INPP5A: variants seen among roughly 807,000 people sequenced by gnomAD.
INPP5A encodes the protein inositol polyphosphate-5-phosphatase A, also known as 43 kDa inositol polyphosphate 5-phophatase.
Under a neutral mutation model 65.2 loss-of-function variants are expected in INPP5A, and 14 were observed. That is an observed-to-expected ratio of 0.21 (90% CI 0.14 to 0.34). The LOEUF (loss-of-function observed/expected upper bound fraction) is 0.34. INPP5A is among the 10% of genes least tolerant of loss of function. The probability of loss-of-function intolerance (pLI) is 1.00; values close to 1 mark genes in which losing one functional copy is unlikely to be tolerated. For missense variants in INPP5A, 431 were observed against 545.6 expected (o/e 0.79, Z 2.09); for synonymous variants, 207 against 208.3 (o/e 0.99, Z 0.05).
In INPP5A at chr10:132,603,040, T is replaced by C. The variant is rs1312369618; in HGVS notation, c.76-4875T>C. On this transcript the variant is annotated intron_variant, in intron 1 of 15. Transcript: ENST00000368594. The surrounding 1 kb of genome is among the most constrained non-coding windows in gnomAD (Gnocchi z 4.2). ...TGTGGAATAAAGAAAGGATCTAATA[T>C]AGCATTTTAAAAGTAAATATTTAAC... Among the ~76,000 whole-genome samples the C allele has an allele frequency of 6.6e-6, 1 of 152,256 alleles. No homozygotes were observed. Among genetic ancestry groups the C allele is most frequent in the Non-Finnish European group, 1.5e-5 (1 of 68,044 alleles).
At chr10:132,731,711 T>G (rs1427525627) in intron 9 of INPP5A, among the ~76,000 whole-genome samples, 1 of 151,954 alleles carries the variant, frequency 6.6e-6, no homozygotes, top group Non-Finnish European at 1.5e-5. Flanking sequence ...AGCTGGTCTC[T>G]GGTGAGGGTT....
At chr10:132,645,798 A>G in intron 2 of INPP5A, 70 bp from the exon 3 acceptor site, 8 of 1,210,186 alleles carry the variant, frequency 6.6e-6, no homozygotes, top group Non-Finnish European at 9.5e-6. Context: ...GGGGCGGTGG[A>G]GGGGGTGGTG....
intron 4 of INPP5A, among the ~76,000 whole-genome samples, chr10:132,689,603 G>A (rs1845221676): frequency 6.6e-6 from 1 of 152,218 alleles, no homozygotes; most frequent in Non-Finnish European, 1.5e-5. Flanking sequence ...TGTTGGGGTT[G>A]CCAGATTTAG....
intron 2 of INPP5A, among the ~76,000 whole-genome samples, chr10:132,624,728 C>T (rs570453025): frequency 6.6e-6 from 1 of 152,220 alleles, no homozygotes; most frequent in Non-Finnish European, 1.5e-5. Context: ...TCCTTCCAGA[C>T]TCTTGGTTCC....
In INPP5A at chr10:132,698,777, G is replaced by A. The variant is rs573117025; in HGVS notation, c.474+858G>A. ...GGAGCTCTCGTCCGGACTTGTCTGC[G>A]CAGGCAGCCCCAAGAAGGATTGCTC... On this transcript the variant is annotated intron_variant, in intron 6 of 15. Transcript: ENST00000368594. This position sits in a 1 kb window ranked among gnomAD's most constrained non-coding sequence, Gnocchi z 5.5. Among the ~76,000 whole-genome samples the A allele has an allele frequency of 4.6e-5, 7 of 152,336 alleles. No individual in the cohort carries two copies. The South Asian group carries it at 1.5e-3, about 32-fold the overall frequency.
In INPP5A at chr10:132,538,011, C is replaced by T. The variant is rs2070861156; in HGVS notation, c.-86C>T. 2 of 586,268 alleles carry T rather than the reference C, an allele frequency of 3.4e-6. No individual in the cohort carries two copies. Among genetic ancestry groups the T allele is most frequent in the Non-Finnish European group, 4.3e-6 (2 of 466,988 alleles). 36.3% of individuals were successfully genotyped at this position (586,268 alleles called of 1,614,324 possible). On this transcript the variant is annotated 5_prime_UTR_variant, in exon 1 of 16. Transcript: ENST00000368594. The surrounding 1 kb of genome is among the most constrained non-coding windows in gnomAD (Gnocchi z 4.1). Reference sequence around the variant, plus strand: ...CCCCGGCGCAGCTGACGCCCCGCGGCCCCGCGAAGACCCCGGCCGGCCGGT... The same window carrying T: ...CCCCGGCGCAGCTGACGCCCCGCGGTCCCGCGAAGACCCCGGCCGGCCGGT...
chr10:132,635,808 T>G (rs529680265), intron 2 of INPP5A, among the ~76,000 whole-genome samples: 1 of 150,706 alleles, frequency 6.6e-6, no homozygotes, highest in Non-Finnish European at 1.5e-5. Context: ...TCTCGAAGAT[T>G]TAAAAAAAAA....
intron 2 of INPP5A, among the ~76,000 whole-genome samples, chr10:132,610,550 G>A (rs2071930599): frequency 6.6e-6 from 1 of 152,238 alleles, no homozygotes. Context: ...GCCAGTGGAC[G>A]TTGGCGTGTG....
At chr10:132,765,184 G>T (rs1846820776) in intron 11 of INPP5A, among the ~76,000 whole-genome samples, 1 of 152,170 alleles carries the variant, frequency 6.6e-6, no homozygotes. Flanking sequence ...AACACGGTGG[G>T]CCAGTCCTGC....
chr10:132,736,563 A>G (rs968925944), intron 9 of INPP5A, among the ~76,000 whole-genome samples: 1 of 152,306 alleles, frequency 6.6e-6, no homozygotes, highest in South Asian at 2.1e-4. Flanking sequence ...ACGGCTCTCA[A>G]TGGGCACCAG....
intron 8 of INPP5A, among the ~76,000 whole-genome samples, chr10:132,718,477 C>T (rs1379971214): frequency 2.7e-5 from 4 of 148,304 alleles, no homozygotes; most frequent in Non-Finnish European, 6.0e-5. Context: ...TCTGTGGTGC[C>T]TGGGTTCTCT....
chr10:132,702,084 A>G (rs1590936781), intron 6 of INPP5A, among the ~76,000 whole-genome samples: 1 of 152,232 alleles, frequency 6.6e-6, no homozygotes, highest in South Asian at 2.1e-4. Context: ...CTGTGGCTTC[A>G]TTTGTTCCTG....
rs1229849493 is a variant in INPP5A, at chr10:132,678,284, T to C, written c.307-12108T>C. On this transcript the variant is annotated intron_variant, in intron 4 of 15. Coordinates refer to ENST00000368594, the MANE Select transcript of INPP5A (RefSeq NM_005539.5). This position sits in a 1 kb window ranked among gnomAD's most constrained non-coding sequence, Gnocchi z 4.1. ...GTTGGGTCAGCCGCCCATGAGTTCA[T>C]TATACAGGAAAAGATCAATGAAGCG... Among the ~76,000 whole-genome samples the C allele has an allele frequency of 1.3e-5, 2 of 152,190 alleles. No homozygotes were observed. The highest frequency in any genetic ancestry group is 2.9e-5 in the Non-Finnish European group (2 of 68,026).
Position 132,546,911 on chromosome 10 carries a change from T to C in INPP5A, c.75+8740T>C, listed in dbSNP as rs1468902033. 6.6e-6 allele frequency among the ~76,000 whole-genome samples: 1 copy of C among 152,172 alleles called. No homozygotes were observed. Among genetic ancestry groups the C allele is most frequent in the Non-Finnish European group, 1.5e-5 (1 of 68,026 alleles). On this transcript the variant is annotated intron_variant, in intron 1 of 15. Transcript: ENST00000368594. The surrounding 1 kb of genome is among the most constrained non-coding windows in gnomAD (Gnocchi z 5.7). Reference sequence around the variant, plus strand: ...GGCAGGGGCAGACTCTGTTTCCTGCTCAGCAGAGCCCAGGCCTGGCCCTGG... The same window carrying C: ...GGCAGGGGCAGACTCTGTTTCCTGCCCAGCAGAGCCCAGGCCTGGCCCTGG...
intron 9 of INPP5A, among the ~76,000 whole-genome samples, chr10:132,736,281 GAC>G (rs1846174814): frequency 6.6e-6 from 1 of 152,246 alleles, no homozygotes; most frequent in East Asian, 1.9e-4. Context: ...GACAAAGAGT[GAC>G]AGCAGTGCCA....
At chr10:132,585,015 T>G (rs7912316) in intron 1 of INPP5A, among the ~76,000 whole-genome samples, 1 of 152,088 alleles carries the variant, frequency 6.6e-6, no homozygotes, top group Admixed American at 6.5e-5. Context: ...CATGGAACAG[T>G]TATTTCCAAG....
Position 132,649,414 on chromosome 10 carries a change from A to C in INPP5A, c.219-1004A>C, listed in dbSNP as rs58305456. Among the ~76,000 whole-genome samples the C allele has an allele frequency of 2.8e-3, 431 of 152,274 alleles. 2 individuals are homozygous for C. Among genetic ancestry groups the C allele is most frequent in the African/African-American group, 9.9e-3 (412 of 41,546 alleles). ...CATTCACGTGGTGTTGCTGCTTCTCATATCAAGTTATTTTCCGTAGGATGG... is the reference window on the plus strand; with the variant it reads ...CATTCACGTGGTGTTGCTGCTTCTCCTATCAAGTTATTTTCCGTAGGATGG... On this transcript the variant is annotated intron_variant, in intron 3 of 15. Coordinates refer to ENST00000368594, the MANE Select transcript of INPP5A (RefSeq NM_005539.5).
rs906679464 is a variant in INPP5A at position 132,707,336 on chromosome 10, C to T, written c.475-977C>T. 1.4e-5 allele frequency among the ~76,000 whole-genome samples: 2 copies of T among 145,960 alleles called. No homozygotes were observed. The highest frequency in any genetic ancestry group is 4.6e-4 in the South Asian group (2 of 4,318). The stretch of plus-strand genomic sequence containing the variant: ...CCCTGCCCTGTTGGCTGCCGTTCCC[C>T]CGCCACTGCCTGAAGCGCTTTGCTT... On this transcript the variant is annotated intron_variant, in intron 6 of 15. Coordinates refer to ENST00000368594, the MANE Select transcript of INPP5A (RefSeq NM_005539.5). The surrounding 1 kb of genome is among the most constrained non-coding windows in gnomAD (Gnocchi z 5.5).
At chr10:132,673,121 A>G (rs1260494872) in intron 4 of INPP5A, among the ~76,000 whole-genome samples, 2 of 152,168 alleles carry the variant, frequency 1.3e-5, no homozygotes, top group Non-Finnish European at 2.9e-5. Context: ...GACCAGATCA[A>G]TCACCCCAAC....
Sources: gnomAD v4.1 joint callset for allele counts (sites outside exome capture counted in the v4.1 genomes callset) on GRCh38, gnomAD v4.1.1 for gene constraint, Gnocchi (gnomAD v3.1) non-coding constraint, MANE v1.5 for transcripts, NCBI Gene and HGNC (gene_info 2026-07-23, HGNC 2026-07-21) for gene names.